The following XYLT1 variants were observed in gnomAD, a reference collection of about 807,000 sequenced individuals.
XYLT1 encodes the protein beta-D-xylosyltransferase 1.
A neutral mutation model predicts 91.3 loss-of-function variants in XYLT1; 36 were observed. The ratio of observed to expected loss-of-function variants is 0.39; its 90% CI spans 0.30 to 0.52. The LOEUF is 0.52. Ranked by LOEUF, XYLT1 falls within the 20% of genes least tolerant of loss-of-function variation. The pLI is 0.68. For missense variants in XYLT1, 1,242 were observed against 1,284.5 expected (o/e 0.97, Z 0.51); for synonymous variants, 588 against 532.0 (o/e 1.11, Z -1.45).
intron 2 of XYLT1, among the ~76,000 whole-genome samples, chr16:17,348,519 G>A (rs957986583): frequency 2.0e-5 from 3 of 152,140 alleles, no homozygotes; most frequent in African/African-American, 7.2e-5. Context: ...GCCTCTCCAT[G>A]CCTCAGTGTC....
intron 5 of XYLT1, among the ~76,000 whole-genome samples, chr16:17,172,814 T>C (rs2141558790): frequency 6.6e-6 from 1 of 152,314 alleles, no homozygotes; most frequent in Admixed American, 6.5e-5. Flanking sequence ...TTCTGCTTTT[T>C]CAACAGCTGG....
chr16:17,321,913 A>T (rs988998072), intron 2 of XYLT1, among the ~76,000 whole-genome samples: 1 of 152,140 alleles, frequency 6.6e-6, no homozygotes, highest in Non-Finnish European at 1.5e-5. Flanking sequence ...TTTTCTGTGA[A>T]CTTGGGGAGG....
intron 5 of XYLT1, among the ~76,000 whole-genome samples, chr16:17,162,583 G>GTGAA (rs371426679): frequency 2.6e-5 from 4 of 152,064 alleles, no homozygotes; most frequent in Admixed American, 2.6e-4. Context: ...GAATGAACGA[G>GTGAA]TGAATGAATG....
rs59482549 is a variant in XYLT1 at position 17,327,606 on chromosome 16, GCCCCCCCCCCCCCCCC to G, written c.402+30390_402+30405del. 2.4e-3 allele frequency among the ~76,000 whole-genome samples: 5 copies of G among 2,108 alleles called. No individual in the cohort carries two copies. The South Asian group carries it at 0.05, about 21-fold the overall frequency. The allele number at this position is 2,108 out of a possible 152,430, so 1.4% of individuals were successfully genotyped here. A position where few individuals can be genotyped will look rare whatever the true frequency, so the allele number is the denominator to read the frequency against. On this transcript the variant is annotated intron_variant, in intron 2 of 11. Transcript: ENST00000261381. ...CTCAATCTCCTGACCTCGTGATCCC[GCCCCCCCCCCCCCCCC>G]CCCCCCGCCTCGGCCTCCCAAAGTG...
intron 1 of XYLT1, among the ~76,000 whole-genome samples, chr16:17,424,276 C>T (rs12929788): frequency 0.11 from 16,013 of 152,248 alleles, 983 homozygotes; most frequent in Non-Finnish European, 0.15. Context: ...CAAATGAAAG[C>T]AAGGACACCT....
Position 17,104,236 on chromosome 16 carries a change from C to G in XYLT1, c.*4459G>C, listed in dbSNP as rs1966745152. The G allele has an allele frequency of 6.5e-6, 1 of 152,752 alleles. No individual in the cohort carries two copies. Among genetic ancestry groups the G allele is most frequent in the Non-Finnish European group, 1.5e-5 (1 of 68,180 alleles). 9.5% of individuals were successfully genotyped at this position (152,752 alleles called of 1,614,324 possible). On this transcript the variant is annotated 3_prime_UTR_variant, in exon 12 of 12. Coordinates refer to ENST00000261381, the MANE Select transcript of XYLT1 (RefSeq NM_022166.4). Reference sequence around the variant, plus strand: ...GGAGAGAGCCTGGCTGTTTCACACCCTACCTCCTCCTCCTCCTAGACTGTC... The same window carrying G: ...GGAGAGAGCCTGGCTGTTTCACACCGTACCTCCTCCTCCTCCTAGACTGTC...
Position 17,107,033 on chromosome 16 carries a change from C to T in XYLT1, c.*1662G>A, listed in dbSNP as rs1331859319. On this transcript the variant is annotated 3_prime_UTR_variant, in exon 12 of 12. Transcript: ENST00000261381. ...GGCCTTTTGTGAATAAAGGCAGCTT[C>T]AGTTAGTAAGGTAACATAATTGACA... is the stretch of plus-strand genomic sequence containing the variant. 2 of 152,116 alleles carry T rather than the reference C, an allele frequency of 1.3e-5. No individual in the cohort carries two copies. Among genetic ancestry groups the T allele is most frequent in the Middle Eastern group, 3.2e-3 (1 of 316 alleles). The allele number at this position is 152,116 out of a possible 1,614,324, so 9.4% of individuals were successfully genotyped here.
intron 10 of XYLT1, among the ~76,000 whole-genome samples, chr16:17,120,919 C>T (rs904218483): frequency 6.6e-6 from 1 of 152,172 alleles, no homozygotes; most frequent in Non-Finnish European, 1.5e-5. Flanking sequence ...CTATCTCTAC[C>T]AATCTGTCAC....
chr16:17,189,733 T>C (rs1298811448), intron 5 of XYLT1, among the ~76,000 whole-genome samples: 1 of 152,206 alleles, frequency 6.6e-6, no homozygotes, highest in Non-Finnish European at 1.5e-5. Flanking sequence ...TCATATACTA[T>C]GTAACTGCAT....
At chr16:17,166,396 A>C (rs978774013) in intron 5 of XYLT1, among the ~76,000 whole-genome samples, 3 of 152,132 alleles carry the variant, frequency 2.0e-5, no homozygotes, top group African/African-American at 7.2e-5. Flanking sequence ...GTGCTAAGTA[A>C]GTATTCACTG....
intron 9 of XYLT1, among the ~76,000 whole-genome samples, chr16:17,128,981 C>A (rs1259429583): frequency 2.7e-5 from 4 of 147,796 alleles, no homozygotes; most frequent in African/African-American, 5.0e-5. Flanking sequence ...GTCTTTATGT[C>A]CAATTATAAC....
At chr16:17,405,654 C>G (rs2036024516) in intron 1 of XYLT1, among the ~76,000 whole-genome samples, 1 of 152,200 alleles carries the variant, frequency 6.6e-6, no homozygotes, top group African/African-American at 2.4e-5. Flanking sequence ...CCCTCGTGAG[C>G]TGGGAGATGT....
rs923020608 is a variant in XYLT1 at position 17,216,140 on chromosome 16, C to T, written c.914-15486G>A. Among the ~76,000 whole-genome samples, 4 of 152,180 alleles carry T rather than the reference C, an allele frequency of 2.6e-5. 1 individual carries two copies. The highest frequency in any genetic ancestry group is 4.4e-5 in the Non-Finnish European group (3 of 68,030). Reference sequence around the variant, plus strand: ...AGGCTGCTGTGTGCAAGTTCTCCTACGAGCCTTCCTGTCGCTTGACATTTT... The same window carrying T: ...AGGCTGCTGTGTGCAAGTTCTCCTATGAGCCTTCCTGTCGCTTGACATTTT... On this transcript the variant is annotated intron_variant, in intron 3 of 11. Transcript: ENST00000261381.
In XYLT1 at chr16:17,437,518, C is replaced by T. The variant is rs563783913; in HGVS notation, c.363+32916G>A. 2.6e-5 allele frequency among the ~76,000 whole-genome samples: 4 copies of T among 152,296 alleles called. No homozygotes were observed. The East Asian group carries it at 5.8e-4, about 22-fold the overall frequency. On this transcript the variant is annotated intron_variant, in intron 1 of 11. Transcript: ENST00000261381. The stretch of plus-strand genomic sequence containing the variant: ...CGTGAAGCCAATGTGCACGATGTCA[C>T]CCACATCTGCTTGGAATGCACTTGT...
At position 17,460,356 on chromosome 16, in the gene XYLT1, C is replaced by T. The variant is rs141660588; in HGVS notation, c.363+10078G>A. 5.6e-4 allele frequency among the ~76,000 whole-genome samples: 86 copies of T among 152,268 alleles called. 1 individual carries two copies. The East Asian group carries it at 6.0e-3, about 11-fold the overall frequency. ...GCGGAATGCATGATTCTATTTCTGT[C>T]GGGGACATTTGCCTTCAGGATGGCC... On this transcript the variant is annotated intron_variant, in intron 1 of 11. Coordinates refer to ENST00000261381, the MANE Select transcript of XYLT1 (RefSeq NM_022166.4).
intron 2 of XYLT1, among the ~76,000 whole-genome samples, chr16:17,283,351 A>C (rs1382766715): frequency 6.6e-6 from 1 of 152,216 alleles, no homozygotes; most frequent in Non-Finnish European, 1.5e-5. Context: ...TCACTCAAAA[A>C]GACACAAAGG....
At chr16:17,271,825 C>T (rs530402609) in intron 2 of XYLT1, among the ~76,000 whole-genome samples, 3 of 152,270 alleles carry the variant, frequency 2.0e-5, no homozygotes, top group African/African-American at 7.2e-5. Context: ...AATCCTGTTC[C>T]CATTCAGAAA....
rs146395227 is a variant in XYLT1, at chr16:17,221,613, C to T, written c.914-20959G>A. On this transcript the variant is annotated intron_variant, in intron 3 of 11. Transcript: ENST00000261381. ...TTTAAGCAGAGTGTGGTGGGGTGCA[C>T]CTGTAGTCCCAGCTCTTCGGGAGGC... Among the ~76,000 whole-genome samples, 1,204 of 152,252 alleles carry T rather than the reference C, an allele frequency of 7.9e-3. 10 individuals are homozygous for T. The highest frequency in any genetic ancestry group is 0.028 in the African/African-American group (1,145 of 41,520).
chr16:17,442,424 G>A (rs773570816), intron 1 of XYLT1, among the ~76,000 whole-genome samples: 3 of 151,896 alleles, frequency 2.0e-5, no homozygotes, highest in Non-Finnish European at 4.4e-5. Flanking sequence ...TTAATTTTAG[G>A]TGTCAACTTG....
Sources: allele counts gnomAD v4.1 joint callset (sites outside exome capture counted in the v4.1 genomes callset), GRCh38; gene constraint gnomAD v4.1.1; transcripts MANE v1.5; gene names NCBI Gene and HGNC (gene_info 2026-07-23, HGNC 2026-07-21).